ABCA7: variants seen among roughly 807,000 people sequenced by gnomAD.
The protein encoded by ABCA7 is ATP binding cassette subfamily A member 7.
ABCA7 carries 261 observed loss-of-function variants against 227.6 expected under a neutral mutation model. That is an observed-to-expected ratio of 1.15 (90% confidence interval 1.04 to 1.27). ABCA7 has a LOEUF of 1.27. Among genes scored for constraint, ABCA7 ranks in the 50% most tolerant of loss-of-function variants. The probability of loss-of-function intolerance (pLI) is 0.00; values close to 1 mark genes in which losing one functional copy is unlikely to be tolerated. For missense variants in ABCA7, 3,331 were observed against 2,924.5 expected (o/e 1.14, Z -3.21); for synonymous variants, 1,488 against 1,279.7 (o/e 1.16, Z -3.47).
chr19:1,044,936 G>T, intron 11 of ABCA7, 66 bp from the exon 12 acceptor site: 1 of 1,570,020 alleles, frequency 6.4e-7, no homozygotes, highest in Non-Finnish European at 8.7e-7. Flanking sequence ...GGTCCAGGGG[G>T]AGGAGCGGAG....
At position 1,041,986 on chromosome 19, in the gene ABCA7, A is replaced by T; in HGVS notation, c.302+14A>T. ...CAACGACTCCCTGTGAGCCAGAGGCAGTGGGTGCGGCCGGCCTGCAAACTC... is the reference window on the plus strand; with the variant it reads ...CAACGACTCCCTGTGAGCCAGAGGCTGTGGGTGCGGCCGGCCTGCAAACTC... On this transcript the variant is annotated intron_variant, in intron 4 of 46. Transcript: ENST00000263094. 2 of 1,579,124 alleles carry T rather than the reference A, an allele frequency of 1.3e-6. No homozygotes were observed. The highest frequency in any genetic ancestry group is 1.7e-6 in the Non-Finnish European group (2 of 1,167,938).
chr19:1,047,358 G>A lies in ABCA7; in HGVS notation c.2047G>A (p.Ala683Thr), dbSNP rs763708660. 4 of 1,572,158 alleles carry A rather than the reference G, an allele frequency of 2.5e-6. No individual in the cohort carries two copies. The highest frequency in any genetic ancestry group is 1.1e-5 in the South Asian group (1 of 88,418). Residue 683 changes from alanine to threonine, a missense_variant, in exon 15 of 47, where the codon GCG becomes ACG. Ala to Thr is a moderately conservative substitution (Grantham distance 58). Coordinates refer to ENST00000263094, the MANE Select transcript of ABCA7 (RefSeq NM_019112.4). ...LCVAWRDRLPAGGRVAASLLS... is the reference protein window; with the variant it reads ...LCVAWRDRLPTGGRVAASLLS... ...TGTGGCTTGGCGGGACCGGCTGCCC[G>A]CGGGTGGCCGCGTGGCCGCGGTGAG... is the stretch of plus-strand genomic sequence containing the variant.
Position 1,043,172 on chromosome 19 carries a change from C to T in ABCA7, c.711C>T (p.Ser237=). The T allele has an allele frequency of 6.2e-7, 1 of 1,611,158 alleles. No individual in the cohort carries two copies. The highest frequency in any genetic ancestry group is 1.3e-5 in the African/African-American group (1 of 75,036). Residue 237 remains serine (S), a synonymous_variant, in exon 8 of 47, where the codon TCC becomes TCT. Coordinates refer to ENST00000263094, the MANE Select transcript of ABCA7 (RefSeq NM_019112.4). Reference sequence around the variant, plus strand: ...GACCTAGCAGCACAGTGGGCCCCTCCCTCAACTGGTACGAGGCTAGTGACC... The same window carrying T: ...GACCTAGCAGCACAGTGGGCCCCTCTCTCAACTGGTACGAGGCTAGTGACC... ...VRGPSSTVGP[S]LNWYEASDLM...
In ABCA7 at chr19:1,042,412, C is replaced by T. The variant is rs755583115; in HGVS notation, c.498+15C>T. On this transcript the variant is annotated intron_variant, in intron 6 of 46. Coordinates refer to ENST00000263094, the MANE Select transcript of ABCA7 (RefSeq NM_019112.4). ...TGCTGCGCACGGTAGGGTGTCGGGG[C>T]GGGACCGCGCTGACTTCCTGGGACA... 3 of 1,610,352 alleles carry T rather than the reference C, an allele frequency of 1.9e-6. No homozygotes were observed. The highest frequency in any genetic ancestry group is 2.2e-5 in the South Asian group (2 of 90,968).
At position 1,054,136 on chromosome 19, in the gene ABCA7, G is replaced by T. The variant is rs542043549; in HGVS notation, c.3577+26G>T. ...GTAAGTCCTTCCCAGTGGCCCTGGGGTCCTCCCAGCCACCCCCCCACAGCA... is the reference window on the plus strand; with the variant it reads ...GTAAGTCCTTCCCAGTGGCCCTGGGTTCCTCCCAGCCACCCCCCCACAGCA... On this transcript the variant is annotated intron_variant, in intron 26 of 46. Coordinates refer to ENST00000263094, the MANE Select transcript of ABCA7 (RefSeq NM_019112.4). This position sits in a 1 kb window ranked among gnomAD's most constrained non-coding sequence, Gnocchi z 4.8. 12 of 1,612,696 alleles carry T rather than the reference G, an allele frequency of 7.4e-6. No individual in the cohort carries two copies. In the East Asian group the frequency reaches 2.2e-4, roughly 30 times the overall value.
chr19:1,064,890 G>A lies in ABCA7; in HGVS notation c.6045-41G>A, dbSNP rs910552553. ...GGAGGGTGAGCTGAGGTGGGACCTGGGAAAGGCCCGATCCGGTAGCCCTGG... is the reference window on the plus strand; with the variant it reads ...GGAGGGTGAGCTGAGGTGGGACCTGAGAAAGGCCCGATCCGGTAGCCCTGG... On this transcript the variant is annotated intron_variant, in intron 45 of 46. Transcript: ENST00000263094. 7 of 1,540,384 alleles carry A rather than the reference G, an allele frequency of 4.5e-6. No individual in the cohort carries two copies. The African/African-American group carries it at 9.7e-5, about 21-fold the overall frequency.
Position 1,058,016 on chromosome 19 carries a change from A to G in ABCA7, c.4982A>G (p.Asn1661Ser), listed in dbSNP as rs2042402824. Residue 1661 changes from asparagine (N) to serine (S), a missense_variant, in exon 36 of 47, where the codon AAT becomes AGT. Physicochemically the swap from Asn to Ser is conservative, Grantham distance 46. Transcript: ENST00000263094. ...LTCINLFIGI[N>S]GSMATFVLEL... ...TGCATAAACCTCTTTATTGGCATCA[A>G]TGGAAGCATGGCCACCTTTGTGCTT... is the stretch of plus-strand genomic sequence containing the variant. The G allele has an allele frequency of 1.2e-6, 2 of 1,613,990 alleles. No individual in the cohort carries two copies. The highest frequency in any genetic ancestry group is 2.7e-5 in the African/African-American group (2 of 74,928).
chr19:1,049,226 C>T, intron 17 of ABCA7, 40 bp from the exon 18 acceptor site: 1 of 1,554,390 alleles, frequency 6.4e-7, no homozygotes, highest in South Asian at 1.2e-5. Flanking sequence ...GCCCCAGGAC[C>T]CCCATGACCT....
Position 1,054,564 on chromosome 19 carries a change from C to A in ABCA7, c.3727-6C>A. ...GGAAGCAGCAGCTGATGGGCTGGTC[C>A]CCCAGATCGTGCTGCCTGCCCTCTT... On this transcript the variant is annotated splice_region_variant and splice_polypyrimidine_tract_variant and intron_variant, in intron 27 of 46. Transcript: ENST00000263094. The surrounding 1 kb of genome is among the most constrained non-coding windows in gnomAD (Gnocchi z 4.8). 6.2e-7 allele frequency: 1 copy of A among 1,607,518 alleles called. No individual in the cohort carries two copies. The highest frequency in any genetic ancestry group is 8.5e-7 in the Non-Finnish European group (1 of 1,176,716).
intron 40 of ABCA7, among the ~76,000 whole-genome samples, chr19:1,060,386 T>G (rs1464003068): frequency 1.3e-5 from 2 of 151,022 alleles, no homozygotes. Context: ...TGATTTTGTA[T>G]TTTTAGTAGA....
Position 1,044,726 on chromosome 19 carries a change from G to A in ABCA7, c.1197G>A (p.Thr399=). ...CTGATGTGGGGCACCTGGTGGGCAC[G>A]CTGGGCCGAGTGACGGAGGTGAGGG... ...AHADVGHLVG[T]LGRVTECLSL... The change falls in exon 11 of 47, where the codon ACG becomes ACA. Residue 399 remains threonine, a synonymous_variant. Coordinates refer to ENST00000263094, the MANE Select transcript of ABCA7 (RefSeq NM_019112.4). 6.2e-7 allele frequency: 1 copy of A among 1,609,146 alleles called. No homozygotes were observed. The highest frequency in any genetic ancestry group is 1.1e-5 in the South Asian group (1 of 90,784).
Position 1,046,225 on chromosome 19 carries a change from C to T in ABCA7, c.1446-5C>T, listed in dbSNP as rs951167589. ...CTACAACCGGCCACCATGCCCCTCT[C>T]GCAGGTTTTGGGACCCTGGCCCAGC... On this transcript the variant is annotated splice_region_variant and splice_polypyrimidine_tract_variant and intron_variant, in intron 12 of 46. Transcript: ENST00000263094. 6 of 1,605,962 alleles carry T rather than the reference C, an allele frequency of 3.7e-6. No homozygotes were observed. Among genetic ancestry groups the T allele is most frequent in the East Asian group, 2.2e-5 (1 of 44,840 alleles).
At chr19:1,049,226 C>G in intron 17 of ABCA7, 40 bp from the exon 18 acceptor site, 1 of 1,554,390 alleles carries the variant, frequency 6.4e-7, no homozygotes, top group Non-Finnish European at 8.7e-7. Context: ...GCCCCAGGAC[C>G]CCCATGACCT....
At chr19:1,049,242 G>T (rs764863575) in intron 17 of ABCA7, 24 bp from the exon 18 acceptor site, 8 of 1,575,580 alleles carry the variant, frequency 5.1e-6, no homozygotes, top group Non-Finnish European at 6.9e-6. Flanking sequence ...GACCTCCATG[G>T]CTGAGTCCAC....
At chr19:1,040,435 C>T (rs2039906338) in intron 1 of ABCA7, among the ~76,000 whole-genome samples, 1 of 152,298 alleles carries the variant, frequency 6.6e-6, no homozygotes, top group South Asian at 2.1e-4. Flanking sequence ...CTCCTGCACT[C>T]CCCCTTGCCC....
At chr19:1,046,501 C>T in intron 13 of ABCA7, 95 bp downstream of exon 13, 1 of 1,481,612 alleles carries the variant, frequency 6.7e-7, no homozygotes, top group Non-Finnish European at 9.0e-7. Context: ...TCCTGCGGTC[C>T]AGGCTGCGAA....
Position 1,054,366 on chromosome 19 carries a change from T to A in ABCA7, c.3726+25T>A. 6.3e-7 allele frequency: 1 copy of A among 1,575,636 alleles called. No homozygotes were observed. The highest frequency in any genetic ancestry group is 1.1e-5 in the South Asian group (1 of 88,880). ...GGTGAGGAGGGCTAGCACCAGGGAG[T>A]CGCATGGGAGTCCCTGAGTTCCCTA... is the stretch of plus-strand genomic sequence containing the variant. On this transcript the variant is annotated intron_variant, in intron 27 of 46. Coordinates refer to ENST00000263094, the MANE Select transcript of ABCA7 (RefSeq NM_019112.4). This position sits in a 1 kb window ranked among gnomAD's most constrained non-coding sequence, Gnocchi z 4.8.
rs1435374625 is a variant in ABCA7, at chr19:1,065,473, G to T, written c.*48G>T. The T allele has an allele frequency of 6.2e-7, 1 of 1,603,406 alleles. No homozygotes were observed. The highest frequency in any genetic ancestry group is 8.5e-7 in the Non-Finnish European group (1 of 1,173,528). On this transcript the variant is annotated 3_prime_UTR_variant, in exon 47 of 47. Coordinates refer to ENST00000263094, the MANE Select transcript of ABCA7 (RefSeq NM_019112.4). ...CGGGGAGGCCCTGGGAATGGCAAGG[G>T]CAAGGTAGAGTGCCTAGGAGCCCTG...
In ABCA7 at chr19:1,064,412, A is replaced by C. The variant is rs7248449; in HGVS notation, c.6044+159A>C. ...TCCTGCAGGGGTGACTGAGGGGGCGAGACAGGCTGGGGTGTGCTGGGGGCG... is the reference window on the plus strand; with the variant it reads ...TCCTGCAGGGGTGACTGAGGGGGCGCGACAGGCTGGGGTGTGCTGGGGGCG... On this transcript the variant is annotated intron_variant, in intron 45 of 46. Coordinates refer to ENST00000263094, the MANE Select transcript of ABCA7 (RefSeq NM_019112.4). 2.6e-5 allele frequency among the ~76,000 whole-genome samples: 4 copies of C among 151,130 alleles called. No individual in the cohort carries two copies. The East Asian group carries it at 7.8e-4, about 30-fold the overall frequency.
Sources: allele counts gnomAD v4.1 joint callset (sites outside exome capture counted in the v4.1 genomes callset), GRCh38; gene constraint gnomAD v4.1.1; non-coding constraint Gnocchi (gnomAD v3.1); transcripts MANE v1.5; gene names NCBI Gene and HGNC (gene_info 2026-07-23, HGNC 2026-07-21).